Variants in MACROD1 observed in about 807,000 individuals in gnomAD.
MACROD1 encodes ADP-ribose glycohydrolase MACROD1.
MACROD1 carries 31 observed loss-of-function variants against 41.4 expected under a neutral mutation model. That is an observed-to-expected ratio of 0.75 (90% CI 0.56 to 1.01). The LOEUF is 1.01. Among genes scored for constraint, MACROD1 ranks in the 50% least tolerant of loss-of-function variants. The probability of loss-of-function intolerance (pLI) is 0.00; values close to 1 mark genes in which losing one functional copy is unlikely to be tolerated. For synonymous variants in MACROD1, 252 were observed against 203.4 expected, an observed-to-expected ratio of 1.24 and a Z score of -2.03; for missense variants, 473 against 460.0, an observed-to-expected ratio of 1.03 and a Z score of -0.26.
intron 3 of MACROD1, among the ~76,000 whole-genome samples, chr11:64,123,470 G>A (rs1043279105): frequency 3.7e-4 from 55 of 149,962 alleles, no homozygotes; most frequent in African/African-American, 1.2e-4. Flanking sequence ...GGGATTTTTC[G>A]TGGTTTATGA....
chr11:64,119,017 G>A (rs2134629490), intron 3 of MACROD1: 1 of 167,328 alleles, frequency 6.0e-6, no homozygotes, highest in Admixed American at 6.5e-5. Flanking sequence ...GGAAGCCGTA[G>A]CTTTCCCTGC....
At chr11:64,058,749 C>T (rs1943840636) in intron 3 of MACROD1, among the ~76,000 whole-genome samples, 1 of 152,264 alleles carries the variant, frequency 6.6e-6, no homozygotes, top group South Asian at 2.1e-4. Context: ...TTGCCAGCGG[C>T]AGCTTCTAGG....
In MACROD1 at chr11:64,022,129, C is replaced by A. The variant is rs1000423915; in HGVS notation, c.518-6848G>T. On this transcript the variant is annotated intron_variant, in intron 3 of 10. Coordinates refer to ENST00000255681, the MANE Select transcript of MACROD1 (RefSeq NM_014067.4). ...GTGAGGGGGCTCAGGCAAGAGCAGCCCCTGGGGGGCCTTGAGAGCCTTAGT... is the reference window on the plus strand; with the variant it reads ...GTGAGGGGGCTCAGGCAAGAGCAGCACCTGGGGGGCCTTGAGAGCCTTAGT... 1.1e-4 allele frequency among the ~76,000 whole-genome samples: 17 copies of A among 151,756 alleles called. No individual in the cohort carries two copies. In the East Asian group the frequency reaches 3.3e-3, roughly 29 times the overall value.
At chr11:64,157,211 G>C (rs573021170) in intron 1 of MACROD1, among the ~76,000 whole-genome samples, 2 of 152,100 alleles carry the variant, frequency 1.3e-5, no homozygotes, top group Non-Finnish European at 2.9e-5. Flanking sequence ...TCATGCCTCA[G>C]CCTCCTGAGT....
chr11:64,043,521 C>T (rs1943528509), intron 3 of MACROD1, among the ~76,000 whole-genome samples: 1 of 152,136 alleles, frequency 6.6e-6, no homozygotes, highest in Non-Finnish European at 1.5e-5. Context: ...CTCTGGAGGG[C>T]TCTGGAGAGC....
chr11:64,011,030 T>G (rs1261145996), intron 4 of MACROD1, among the ~76,000 whole-genome samples: 1 of 140,766 alleles, frequency 7.1e-6, no homozygotes, highest in Admixed American at 7.3e-5. Context: ...AGGTGTTGGT[T>G]GGGATGTTGG....
chr11:64,057,812 C>T (rs149432461), intron 3 of MACROD1, among the ~76,000 whole-genome samples: 2 of 152,338 alleles, frequency 1.3e-5, no homozygotes, highest in African/African-American at 4.8e-5. Context: ...GGCATGTTCG[C>T]GGGTCCAGCA....
chr11:64,109,505 T>G (rs575923368), intron 3 of MACROD1, among the ~76,000 whole-genome samples: 2 of 148,090 alleles, frequency 1.4e-5, no homozygotes, highest in African/African-American at 2.5e-5. Context: ...GCAGAGGGGG[T>G]GGAAAGGGGA....
intron 3 of MACROD1, among the ~76,000 whole-genome samples, chr11:64,068,073 T>C (rs1345071502): frequency 2.6e-5 from 4 of 152,190 alleles, no homozygotes; most frequent in Non-Finnish European, 5.9e-5. Flanking sequence ...AAAATGATTC[T>C]CAAACCGGAG....
At chr11:64,115,452 C>T in intron 3 of MACROD1, among the ~76,000 whole-genome samples, 1 of 151,854 alleles carries the variant, frequency 6.6e-6, no homozygotes, top group East Asian at 1.9e-4. Flanking sequence ...ATTTCCCACA[C>T]AACTCGGAAC....
At chr11:64,099,038 G>C (rs991148395) in intron 3 of MACROD1, among the ~76,000 whole-genome samples, 2 of 152,200 alleles carry the variant, frequency 1.3e-5, no homozygotes, top group African/African-American at 4.8e-5. Flanking sequence ...TTTCTACTTC[G>C]GGAGGAAGCC....
At position 64,155,135 on chromosome 11, in the gene MACROD1, C is replaced by T. The variant is rs116840646; in HGVS notation, c.299-2742G>A. On this transcript the variant is annotated intron_variant, in intron 1 of 10. Transcript: ENST00000255681. ...GGCACCTGAGGGTGCCTGAGGGGCACGCTGAGGAATAAATGAGCCAAGACC... is the reference window on the plus strand; with the variant it reads ...GGCACCTGAGGGTGCCTGAGGGGCATGCTGAGGAATAAATGAGCCAAGACC... Among the ~76,000 whole-genome samples the T allele has an allele frequency of 3.4e-3, 520 of 152,250 alleles. 2 individuals carry two copies. Among genetic ancestry groups the T allele is most frequent in the African/African-American group, 0.012 (491 of 41,538 alleles).
intron 3 of MACROD1, among the ~76,000 whole-genome samples, chr11:64,073,938 G>T (rs76068999): frequency 1.2e-3 from 187 of 152,286 alleles, no homozygotes; most frequent in African/African-American, 4.2e-3. Flanking sequence ...AGGTCAGGGA[G>T]GGAGGCTGGG....
At chr11:64,051,902 G>A (rs1477748364) in intron 3 of MACROD1, among the ~76,000 whole-genome samples, 7 of 152,010 alleles carry the variant, frequency 4.6e-5, no homozygotes, top group Admixed American at 4.6e-4. Flanking sequence ...CTCTCTCGGG[G>A]GCTGCAAGAG....
At chr11:64,054,544 T>G (rs199812488) in intron 3 of MACROD1, among the ~76,000 whole-genome samples, 1 of 151,988 alleles carries the variant, frequency 6.6e-6, no homozygotes, top group African/African-American at 2.4e-5. Context: ...CCTGATGGGG[T>G]GCAGAGTGGC....
chr11:64,078,106 C>A (rs1944237033), intron 3 of MACROD1, among the ~76,000 whole-genome samples: 1 of 152,306 alleles, frequency 6.6e-6, no homozygotes, highest in African/African-American at 2.4e-5. Flanking sequence ...GCGCACCTGC[C>A]GGCTTGGGGC....
chr11:64,077,555 G>T (rs578073566), intron 3 of MACROD1, among the ~76,000 whole-genome samples: 19 of 152,256 alleles, frequency 1.2e-4, no homozygotes, highest in African/African-American at 4.3e-4. Flanking sequence ...GGGGCAGGGG[G>T]GGTCCCTCAC....
Position 64,146,812 on chromosome 11 carries a change from A to G in MACROD1, c.517+4427T>C, listed in dbSNP as rs1258128621. Among the ~76,000 whole-genome samples the G allele has an allele frequency of 6.6e-6, 1 of 150,760 alleles. No homozygotes were observed. The highest frequency in any genetic ancestry group is 1.5e-5 in the Non-Finnish European group (1 of 67,678). ...AAATGCATACGCACACCCCACACACATAGGCCAAACTCCTGACCTCACACA... is the reference window on the plus strand; with the variant it reads ...AAATGCATACGCACACCCCACACACGTAGGCCAAACTCCTGACCTCACACA... On this transcript the variant is annotated intron_variant, in intron 3 of 10. Transcript: ENST00000255681. This position sits in a 1 kb window ranked among gnomAD's most constrained non-coding sequence, Gnocchi z 4.7.
At position 64,067,457 on chromosome 11, in the gene MACROD1, C is replaced by T. The variant is rs1016452141; in HGVS notation, c.518-52176G>A. On this transcript the variant is annotated intron_variant, in intron 3 of 10. Coordinates refer to ENST00000255681, the MANE Select transcript of MACROD1 (RefSeq NM_014067.4). The surrounding 1 kb of genome is among the most constrained non-coding windows in gnomAD (Gnocchi z 4.6). ...CGGCCCAGGTGACAGCCAGCACAGA[C>T]GCCCAGCTCAGATAACAGAAGGGAG... 6.6e-6 allele frequency among the ~76,000 whole-genome samples: 1 copy of T among 152,164 alleles called. No individual in the cohort carries two copies. The highest frequency in any genetic ancestry group is 1.5e-5 in the Non-Finnish European group (1 of 68,020).
Sources: gnomAD v4.1 joint callset for allele counts (sites outside exome capture counted in the v4.1 genomes callset) on GRCh38, gnomAD v4.1.1 for gene constraint, Gnocchi (gnomAD v3.1) non-coding constraint, MANE v1.5 for transcripts, NCBI Gene and HGNC (gene_info 2026-07-23, HGNC 2026-07-21) for gene names.